The following FSCN1 variants were observed in gnomAD, a reference collection of about 807,000 sequenced individuals.
FSCN1 encodes the protein fascin actin-bundling protein 1.
FSCN1 carries 10 observed loss-of-function variants against 39.7 expected under a neutral mutation model. The ratio of observed to expected loss-of-function variants is 0.25; its 90% CI spans 0.16 to 0.43. The LOEUF is 0.43. Ranked by LOEUF, FSCN1 falls within the 20% of genes least tolerant of loss-of-function variation. The pLI is 1.00. For synonymous variants in FSCN1, 322 were observed against 320.0 expected (o/e 1.01, Z -0.07); for missense variants, 525 against 723.8 (o/e 0.73, Z 3.15).
chr7:5,600,277 A>T (rs1252149115), intron 1 of FSCN1, among the ~76,000 whole-genome samples: 1 of 151,768 alleles, frequency 6.6e-6, no homozygotes, highest in Non-Finnish European at 1.5e-5. Flanking sequence ...AGCCGGGCAT[A>T]GTGGCGGGTG....
chr7:5,593,509 C>T lies in FSCN1; in HGVS notation c.573C>T (p.Ala191=), dbSNP rs755807383. The change falls in exon 1 of 5, where the codon GCC becomes GCT. Residue 191 remains alanine (A), a synonymous_variant. Coordinates refer to ENST00000382361, the MANE Select transcript of FSCN1 (RefSeq NM_003088.4). The part of the protein sequence containing the change: ...FQDQRYSVQT[A]DHRFLRHDGR... ...ACCAGCGCTACAGCGTGCAGACCGCCGACCACCGCTTCCTGCGCCACGACG... is the reference window on the plus strand; with the variant it reads ...ACCAGCGCTACAGCGTGCAGACCGCTGACCACCGCTTCCTGCGCCACGACG... 6.8e-6 allele frequency: 11 copies of T among 1,606,590 alleles called. No individual in the cohort carries two copies. Among genetic ancestry groups the T allele is most frequent in the Non-Finnish European group, 9.3e-6 (11 of 1,178,484 alleles).
At chr7:5,596,860 G>C (rs1420978465) in intron 1 of FSCN1, among the ~76,000 whole-genome samples, 1 of 152,178 alleles carries the variant, frequency 6.6e-6, no homozygotes, top group Non-Finnish European at 1.5e-5. Context: ...GTAGTTGCAG[G>C]AATCGACTGG....
Position 5,599,295 on chromosome 7 carries a change from C to T in FSCN1, c.833-3962C>T, listed in dbSNP as rs1480431744. 6.6e-6 allele frequency among the ~76,000 whole-genome samples: 1 copy of T among 152,044 alleles called. No homozygotes were observed. Among genetic ancestry groups the T allele is most frequent in the Non-Finnish European group, 1.5e-5 (1 of 67,988 alleles). On this transcript the variant is annotated intron_variant, in intron 1 of 4. Coordinates refer to ENST00000382361, the MANE Select transcript of FSCN1 (RefSeq NM_003088.4). The surrounding 1 kb of genome is among the most constrained non-coding windows in gnomAD (Gnocchi z 5.6). ...GAGCCCAAGGGGTTCCAAGAAGGGG[C>T]GGGGCCAGGAACCCATAGACAAGAG...
Position 5,599,643 on chromosome 7 carries a change from AAAT to A in FSCN1, c.833-3610_833-3608del, listed in dbSNP as rs1785792473. Among the ~76,000 whole-genome samples the A allele has an allele frequency of 6.6e-6, 1 of 151,914 alleles. No individual in the cohort carries two copies. The highest frequency in any genetic ancestry group is 6.6e-5 in the Admixed American group (1 of 15,250). Reference sequence around the variant, plus strand: ...TAGCGAGACCACCCCCATCTCTACAAAATAATGTTAAAGTTAGCCAGGTGTAGT... The same window carrying A: ...TAGCGAGACCACCCCCATCTCTACAAAATGTTAAAGTTAGCCAGGTGTAGT... On this transcript the variant is annotated intron_variant, in intron 1 of 4. Transcript: ENST00000382361. This position sits in a 1 kb window ranked among gnomAD's most constrained non-coding sequence, Gnocchi z 5.6.
rs191200857 is a variant in FSCN1 at position 5,599,364 on chromosome 7, G to T, written c.833-3893G>T. On this transcript the variant is annotated intron_variant, in intron 1 of 4. Coordinates refer to ENST00000382361, the MANE Select transcript of FSCN1 (RefSeq NM_003088.4). This position sits in a 1 kb window ranked among gnomAD's most constrained non-coding sequence, Gnocchi z 5.6. ...CGTGGCAAGAGGGCCACCCACCTCC[G>T]GTCCAGAGAGCCAGCCAGACCCTTA... 6.6e-6 allele frequency among the ~76,000 whole-genome samples: 1 copy of T among 152,186 alleles called. No homozygotes were observed. Among genetic ancestry groups the T allele is most frequent in the African/African-American group, 2.4e-5 (1 of 41,440 alleles).
rs1243885294 is a variant in FSCN1, at chr7:5,603,194, T to C, written c.833-63T>C. On this transcript the variant is annotated intron_variant, in intron 1 of 4. Coordinates refer to ENST00000382361, the MANE Select transcript of FSCN1 (RefSeq NM_003088.4). This position sits in a 1 kb window ranked among gnomAD's most constrained non-coding sequence, Gnocchi z 8.5. Reference sequence around the variant, plus strand: ...GTGTGTAGTTCTGTGAGCTCAGGGCTATGGTCTGCCAGAACTAGGGGGCGT... The same window carrying C: ...GTGTGTAGTTCTGTGAGCTCAGGGCCATGGTCTGCCAGAACTAGGGGGCGT... The C allele has an allele frequency of 1.3e-6, 2 of 1,579,284 alleles. No individual in the cohort carries two copies. The highest frequency in any genetic ancestry group is 2.7e-5 in the African/African-American group (2 of 74,494).
chr7:5,596,802 C>T (rs1785738562), intron 1 of FSCN1, among the ~76,000 whole-genome samples: 1 of 152,170 alleles, frequency 6.6e-6, no homozygotes, highest in Non-Finnish European at 1.5e-5. Flanking sequence ...GCATTCTGAG[C>T]CCAGGGAATG....
chr7:5,597,008 G>A lies in FSCN1; in HGVS notation c.832+3240G>A, dbSNP rs539670755. Among the ~76,000 whole-genome samples the A allele has an allele frequency of 2.0e-5, 3 of 152,196 alleles. No homozygotes were observed. In the East Asian group the frequency reaches 5.8e-4, roughly 29 times the overall value. On this transcript the variant is annotated intron_variant, in intron 1 of 4. Transcript: ENST00000382361. Reference sequence around the variant, plus strand: ...TGGGGGTGGTGATGGGGACTGGAGGGTGTGAGGCAACCAGGGGGTGCCCCT... The same window carrying A: ...TGGGGGTGGTGATGGGGACTGGAGGATGTGAGGCAACCAGGGGGTGCCCCT...
In FSCN1 at chr7:5,593,551, C is replaced by T. The variant is rs778772296; in HGVS notation, c.615C>T (p.Arg205=). The change falls in exon 1 of 5, where the codon CGC becomes CGT. Residue 205 remains arginine, a synonymous_variant. Coordinates refer to ENST00000382361, the MANE Select transcript of FSCN1 (RefSeq NM_003088.4). ...GCCACGACGGGCGCCTGGTGGCGCG[C>T]CCCGAGCCGGCCACTGGCTACACGC... ...FLRHDGRLVA[R]PEPATGYTLE... is the part of the protein sequence containing the mutation. The T allele has an allele frequency of 1.9e-6, 3 of 1,589,208 alleles. No individual in the cohort carries two copies. The highest frequency in any genetic ancestry group is 4.5e-5 in the East Asian group (2 of 44,032).
In FSCN1 at chr7:5,592,818, G is replaced by A; in HGVS notation, c.-119G>A. On this transcript the variant is annotated 5_prime_UTR_variant, in exon 1 of 5. Transcript: ENST00000382361. This position sits in a 1 kb window ranked among gnomAD's most constrained non-coding sequence, Gnocchi z 5.3. ...CGGGGCGCCGCTAGCTGGGCTTTGTGGAGCGCTGCGGAGGGTGCGTGCGGG... is the reference window on the plus strand; with the variant it reads ...CGGGGCGCCGCTAGCTGGGCTTTGTAGAGCGCTGCGGAGGGTGCGTGCGGG... 1.6e-6 allele frequency: 1 copy of A among 611,182 alleles called. No homozygotes were observed. The allele number at this position is 611,182 out of a possible 1,614,324, so 37.9% of individuals were successfully genotyped here. A position where few individuals can be genotyped will look rare whatever the true frequency, so the allele number is the denominator to read the frequency against.
In FSCN1 at chr7:5,603,712, C is replaced by G. The variant is rs554816825; in HGVS notation, c.1111+95C>G. The stretch of plus-strand genomic sequence containing the variant: ...TTGGTAGCCCCAGCCAAGGCCTGCT[C>G]TGTGCTGGGCATCCCCCCGGACTGG... On this transcript the variant is annotated intron_variant, in intron 3 of 4. Transcript: ENST00000382361. This position sits in a 1 kb window ranked among gnomAD's most constrained non-coding sequence, Gnocchi z 8.5. 787 of 1,562,940 alleles carry G rather than the reference C, an allele frequency of 5.0e-4. 6 individuals carry two copies. The South Asian group carries it at 6.3e-3, about 12-fold the overall frequency.
intron 1 of FSCN1, among the ~76,000 whole-genome samples, chr7:5,600,012 G>T (rs1181088059): frequency 2.0e-5 from 3 of 152,222 alleles, no homozygotes; most frequent in Non-Finnish European, 4.4e-5. Flanking sequence ...TTAGAATCCA[G>T]AGCGCGTGGG....
At chr7:5,598,721 G>C (rs551048413) in intron 1 of FSCN1, among the ~76,000 whole-genome samples, 9 of 152,306 alleles carry the variant, frequency 5.9e-5, no homozygotes, top group Middle Eastern at 3.4e-3. Flanking sequence ...TGCTGCTGGG[G>C]TGGACCTAGA....
In FSCN1 at chr7:5,599,016, G is replaced by T. The variant is rs1785779899; in HGVS notation, c.833-4241G>T. ...CTGCGGCTTCTGTGCAGTGGGGGTG[G>T]GGCGGGCCAGACCTTTGCAGGGCCT... is the stretch of plus-strand genomic sequence containing the variant. On this transcript the variant is annotated intron_variant, in intron 1 of 4. Transcript: ENST00000382361. This position sits in a 1 kb window ranked among gnomAD's most constrained non-coding sequence, Gnocchi z 5.6. Among the ~76,000 whole-genome samples, 2 of 152,208 alleles carry T rather than the reference G, an allele frequency of 1.3e-5. No individual in the cohort carries two copies. Among genetic ancestry groups the T allele is most frequent in the Non-Finnish European group, 2.9e-5 (2 of 68,026 alleles).
intron 1 of FSCN1, chr7:5,594,045 A>ACCCCCCCCCCCCCCCCCCCCCCCC (rs758470979): frequency 1.1e-5 from 3 of 262,496 alleles, no homozygotes; most frequent in Admixed American, 7.1e-5. Context: ...CACCCTCCTA[A>ACCCCCCCCCCCCCCCCCCCCCCCC]CCCCCCCCCC....
intron 1 of FSCN1, among the ~76,000 whole-genome samples, chr7:5,594,344 G>C (rs1344964889): frequency 6.6e-6 from 1 of 151,706 alleles, no homozygotes; most frequent in African/African-American, 2.4e-5. Flanking sequence ...CTGCCGGGCG[G>C]GGTCGGCCTC....
At position 5,593,606 on chromosome 7, in the gene FSCN1, C is replaced by G. The variant is rs1785673145; in HGVS notation, c.670C>G (p.Arg224Gly). The change falls in exon 1 of 5, where the codon CGC (arginine) becomes GGC (glycine). Residue 224 changes from arginine (R) to glycine (G), a missense_variant. Arg to Gly is a moderately radical substitution (Grantham distance 125). This residue lies in a region of FSCN1 where 246 missense variants were observed against 350.6 expected (regional missense o/e 0.70). Transcript: ENST00000382361. ...LEFRSGKVAF[R>G]DCEGRYLAPS... ...GTTCCGCTCCGGCAAGGTGGCCTTCCGCGACTGCGAGGGCCGTTACCTGGC... is the reference window on the plus strand; with the variant it reads ...GTTCCGCTCCGGCAAGGTGGCCTTCGGCGACTGCGAGGGCCGTTACCTGGC... 6 of 1,558,218 alleles carry G rather than the reference C, an allele frequency of 3.9e-6. No individual in the cohort carries two copies. The highest frequency in any genetic ancestry group is 4.3e-6 in the Non-Finnish European group (5 of 1,158,654).
At chr7:5,594,042 C>G in intron 1 of FSCN1, 1 of 440,898 alleles carries the variant, frequency 2.3e-6, no homozygotes, top group Non-Finnish European at 3.9e-6. Flanking sequence ...GTGCACCCTC[C>G]TAACCCCCCC....
chr7:5,604,793 G>A (rs1584305287), intron 4 of FSCN1, among the ~76,000 whole-genome samples: 1 of 152,096 alleles, frequency 6.6e-6, no homozygotes, highest in Non-Finnish European at 1.5e-5. Context: ...GAGCCACCAT[G>A]CCTGGCTAAT....
Sources: allele counts gnomAD v4.1 joint callset (sites outside exome capture counted in the v4.1 genomes callset), GRCh38; gene constraint gnomAD v4.1.1; regional missense constraint gnomAD v4.1.1; non-coding constraint Gnocchi (gnomAD v3.1); transcripts MANE v1.5; gene names NCBI Gene and HGNC (gene_info 2026-07-23, HGNC 2026-07-21).